PIGN: variants seen among roughly 807,000 people sequenced by gnomAD.
PIGN encodes GPI ethanolamine phosphate transferase 1.
Under a neutral mutation model 125.4 loss-of-function variants are expected in PIGN, and 117 were observed. The observed-to-expected ratio is 0.93, with a 90% CI of 0.80 to 1.09. The LOEUF (loss-of-function observed/expected upper bound fraction) is 1.09, where lower values mean the gene tolerates loss of function less well. Ranked by LOEUF, PIGN falls within the 50% of genes least tolerant of loss-of-function variation. The pLI, the probability that PIGN is intolerant of heterozygous loss-of-function variation, is 0.00. For missense variants in PIGN, 1,075 were observed against 1,094.9 expected, an observed-to-expected ratio of 0.98 and a Z score of 0.26; for synonymous variants, 392 against 377.8, an observed-to-expected ratio of 1.04 and a Z score of -0.44.
rs1478334003 is a variant in PIGN, at chr18:62,041,662, T to G, written c.*4194A>C. On this transcript the variant is annotated 3_prime_UTR_variant, in exon 31 of 31. Coordinates refer to ENST00000640252, the MANE Select transcript of PIGN (RefSeq NM_176787.5). ...CCGGGTGTGTGTGTGTGTGTGTGTG[T>G]GTGTGTGTGTGTGTGTGTGTGTGTG... 1 of 142,258 alleles carries G rather than the reference T, an allele frequency of 7.0e-6. No homozygotes were observed. Among genetic ancestry groups the G allele is most frequent in the Non-Finnish European group, 1.5e-5 (1 of 65,468 alleles). The allele number at this position is 142,258 out of a possible 1,614,324, so 8.8% of individuals were successfully genotyped here.
intron 1 of PIGN, among the ~76,000 whole-genome samples, chr18:62,178,642 A>C (rs2037611401): frequency 6.6e-6 from 1 of 151,894 alleles, no homozygotes; most frequent in Admixed American, 6.6e-5. Flanking sequence ...ACTGTAAGAT[A>C]GTACTTGGAG....
chr18:62,121,776 G>T (rs534922264), intron 14 of PIGN, among the ~76,000 whole-genome samples: 3 of 152,030 alleles, frequency 2.0e-5, no homozygotes, highest in African/African-American at 7.2e-5. Context: ...TCTACTGATG[G>T]GCACTTAGAT....
chr18:62,133,979 C>T (rs535443083), intron 14 of PIGN, among the ~76,000 whole-genome samples: 1 of 152,214 alleles, frequency 6.6e-6, no homozygotes, highest in Non-Finnish European at 1.5e-5. Context: ...CTTACTTTTT[C>T]TTGACTTGAT....
chr18:62,025,995 G>A (rs2030113949), intron 23 of PIGN, among the ~76,000 whole-genome samples: 1 of 152,146 alleles, frequency 6.6e-6, no homozygotes, highest in Non-Finnish European at 1.5e-5. Context: ...TCAGAGCTGT[G>A]AAATCTACCC....
At chr18:62,074,540 C>T (rs1416962616) in intron 29 of PIGN, among the ~76,000 whole-genome samples, 1 of 152,038 alleles carries the variant, frequency 6.6e-6, no homozygotes, top group Non-Finnish European at 1.5e-5. Context: ...ATTTCAGATA[C>T]AAAGCAACAT....
At chr18:62,176,780 A>C (rs2037538039) in intron 1 of PIGN, among the ~76,000 whole-genome samples, 1 of 152,096 alleles carries the variant, frequency 6.6e-6, no homozygotes, top group Admixed American at 6.6e-5. Flanking sequence ...TAGTGGAAAA[A>C]CTAGTTAACT....
At chr18:62,051,928 C>T (rs2031333398) in intron 30 of PIGN, 1 of 151,920 alleles carries the variant, frequency 6.6e-6, no homozygotes, top group African/African-American at 2.4e-5. Context: ...TTTCAAAGAA[C>T]ATCTTTATTT....
chr18:62,041,016 T>C (rs1167971978), downstream of PIGN: 1 of 152,216 alleles, frequency 6.6e-6, no homozygotes, highest in Non-Finnish European at 1.5e-5. Flanking sequence ...CCAAGAGTAA[T>C]AATAATTTTA....
In PIGN at chr18:62,074,665, C is replaced by T. The variant is rs138695193; in HGVS notation, c.2619+114G>A. The stretch of plus-strand genomic sequence containing the variant: ...ATTTATTGTGTAAATTATGCCAGCA[C>T]TTACAACTCAACATCTAAAGATTTC... On this transcript the variant is annotated intron_variant, in intron 29 of 30. Transcript: ENST00000640252. 2,093 of 632,452 alleles carry T rather than the reference C, an allele frequency of 3.3e-3. 7 individuals carry two copies. The highest frequency in any genetic ancestry group is 4.4e-3 in the Non-Finnish European group (1,565 of 359,154). 39.2% of individuals were successfully genotyped at this position (632,452 alleles called of 1,614,324 possible).
In PIGN at chr18:62,154,615, T is replaced by C. The variant is rs2147455075; in HGVS notation, c.479A>G (p.Asp160Gly). Residue 160 changes from aspartate to glycine, a missense_variant, in exon 7 of 31, where the codon GAT becomes GGT. Around this residue, in one of 3 missense-constraint regions of PIGN, gnomAD observed 915 missense variants for 908.7 expected, o/e 1.01. Coordinates refer to ENST00000640252, the MANE Select transcript of PIGN (RefSeq NM_176787.5). ...SGDHVYTYSY[D>G]AKREDFGAQD... ...AGCACCAAAATCCTCTCTTTTAGCA[T>C]CATAACTATATGTATAAACGTGGTC... 6.3e-7 allele frequency: 1 copy of C among 1,583,772 alleles called. No homozygotes were observed. The highest frequency in any genetic ancestry group is 1.1e-5 in the South Asian group (1 of 89,976).
intron 14 of PIGN, chr18:62,135,619 CTTT>C (rs72454339): frequency 2.5e-4 from 17 of 68,688 alleles, no homozygotes; most frequent in South Asian, 5.6e-4. Context: ...TTTTCTTTGT[CTTT>C]TTTTTTTTTT....
intron 1 of PIGN, chr18:62,184,766 C>T (rs1160389482): frequency 3.3e-5 from 5 of 152,174 alleles, no homozygotes; most frequent in African/African-American, 7.2e-5. Context: ...CTTTTTCAGG[C>T]TTGCACTGCC....
chr18:62,138,843 C>T, intron 13 of PIGN, 140 bp downstream of exon 13: 1 of 555,606 alleles, frequency 1.8e-6, no homozygotes, highest in Non-Finnish European at 3.2e-6. Flanking sequence ...ATGTGAAACA[C>T]AAGTCAAATA....
Position 62,148,200 on chromosome 18 carries a change from C to A in PIGN, c.674+14G>T. On this transcript the variant is annotated intron_variant, in intron 8 of 30. Coordinates refer to ENST00000640252, the MANE Select transcript of PIGN (RefSeq NM_176787.5). ...TTGCCCTAAAAAATACAATTAAACA[C>A]AATATTAAATTACCTCGAGGATGGT... 2 of 1,521,214 alleles carry A rather than the reference C, an allele frequency of 1.3e-6. No individual in the cohort carries two copies. The highest frequency in any genetic ancestry group is 1.4e-5 in the African/African-American group (1 of 71,748). 94.2% of individuals were successfully genotyped at this position (1,521,214 alleles called of 1,614,324 possible). A position where few individuals can be genotyped will look rare whatever the true frequency, so the allele number is the denominator to read the frequency against.
At chr18:62,093,866 G>C (rs1471614212) in intron 23 of PIGN, among the ~76,000 whole-genome samples, 1 of 152,106 alleles carries the variant, frequency 6.6e-6, no homozygotes, top group Non-Finnish European at 1.5e-5. Context: ...ATTTGACACT[G>C]AGAAGATGTA....
intron 22 of PIGN, among the ~76,000 whole-genome samples, chr18:62,096,772 A>T (rs1439885222): frequency 7.9e-6 from 1 of 127,358 alleles, no homozygotes; most frequent in African/African-American, 3.1e-5. Flanking sequence ...ATGAGTGAGA[A>T]TATGCGGTGT....
chr18:62,119,492 G>C (rs2035215107), intron 14 of PIGN, among the ~76,000 whole-genome samples: 1 of 152,190 alleles, frequency 6.6e-6, no homozygotes, highest in Non-Finnish European at 1.5e-5. Flanking sequence ...CTCAATAACA[G>C]CAATCTAGAC....
rs146116156 is a variant in PIGN at position 62,074,403 on chromosome 18, C to T, written c.2619+376G>A. Among the ~76,000 whole-genome samples the T allele has an allele frequency of 4.2e-3, 645 of 152,270 alleles. 8 individuals are homozygous for T. The highest frequency in any genetic ancestry group is 0.015 in the African/African-American group (619 of 41,554). On this transcript the variant is annotated intron_variant, in intron 29 of 30. Coordinates refer to ENST00000640252, the MANE Select transcript of PIGN (RefSeq NM_176787.5). ...GCTGTATTTCCTGTTTCCTTCCTTC[C>T]TTCCCTCCCTCTTTTCCTTTCATTT...
chr18:62,055,221 A>G (rs1686028225), intron 30 of PIGN, among the ~76,000 whole-genome samples: 1 of 152,274 alleles, frequency 6.6e-6, no homozygotes, highest in Non-Finnish European at 1.5e-5. Context: ...ATCTTTATTC[A>G]TAATAGCCAA....
Sources: allele counts gnomAD v4.1 joint callset (sites outside exome capture counted in the v4.1 genomes callset), GRCh38; gene constraint gnomAD v4.1.1; regional missense constraint gnomAD v4.1.1; transcripts MANE v1.5; gene names NCBI Gene and HGNC (gene_info 2026-07-23, HGNC 2026-07-21).